The following SIPA1L2 variants were observed in gnomAD, a reference collection of about 807,000 sequenced individuals.
SIPA1L2 encodes the protein signal induced proliferation associated 1 like 2.
In SIPA1L2, 56 loss-of-function variants were observed where a neutral mutation model predicts 163.9. The ratio of observed to expected loss-of-function variants is 0.34; its 90% confidence interval spans 0.28 to 0.43. The LOEUF (loss-of-function observed/expected upper bound fraction) is 0.43. SIPA1L2 is among the 20% of genes least tolerant of loss of function. SIPA1L2 has a pLI of 1.00. For synonymous variants in SIPA1L2, 877 were observed against 865.7 expected, an observed-to-expected ratio of 1.01 and a Z score of -0.23; for missense variants, 1,974 against 2,193.5, an observed-to-expected ratio of 0.90 and a Z score of 2.00.
chr1:232,441,979 G>C (rs775082622), intron 12 of SIPA1L2, 111 bp from the exon 13 acceptor site: 10 of 828,372 alleles, frequency 1.2e-5, no homozygotes, highest in Non-Finnish European at 1.8e-5. Context: ...CCCTATCCAG[G>C]AGCTGGTTTT....
chr1:232,564,760 T>C (rs927352087), intron 2 of SIPA1L2, among the ~76,000 whole-genome samples: 3 of 152,186 alleles, frequency 2.0e-5, no homozygotes, highest in Admixed American at 6.5e-5. Flanking sequence ...CCCAGAAGTA[T>C]TAATAAATTA....
rs1397988956 is a variant in SIPA1L2, at chr1:232,530,122, C to T, written c.-269-14514G>A. Among the ~76,000 whole-genome samples the T allele has an allele frequency of 4.1e-5, 6 of 145,452 alleles. No individual in the cohort carries two copies. In the South Asian group the frequency reaches 1.3e-3, roughly 32 times the overall value. The stretch of plus-strand genomic sequence containing the variant: ...GGGGCAGGAAGCCTCACCATTTATT[C>T]TTTTTTTTTTTTAGATGGAGTCTTG... On this transcript the variant is annotated intron_variant, in intron 2 of 22. Transcript: ENST00000674635.
intron 10 of SIPA1L2, among the ~76,000 whole-genome samples, chr1:232,454,075 C>T (rs1433833809): frequency 6.6e-6 from 1 of 152,104 alleles, no homozygotes; most frequent in Non-Finnish European, 1.5e-5. Context: ...ATAAAAAAAT[C>T]AAAGGCTTCC....
At chr1:232,405,194 G>A (rs533748430) in intron 19 of SIPA1L2, among the ~76,000 whole-genome samples, 2 of 152,368 alleles carry the variant, frequency 1.3e-5, no homozygotes, top group East Asian at 1.9e-4. Context: ...AGCACCGTCA[G>A]TGCCCTGACA....
At chr1:232,425,559 T>A (rs909762757) in intron 18 of SIPA1L2, 30 bp downstream of exon 18, 4 of 1,518,470 alleles carry the variant, frequency 2.6e-6, no homozygotes, top group Non-Finnish European at 3.6e-6. Flanking sequence ...CCCTCGGCGC[T>A]GGCCAGGGAG....
chr1:232,479,573 C>T (rs1665218401), intron 7 of SIPA1L2, 54 bp downstream of exon 7: 2 of 1,406,524 alleles, frequency 1.4e-6, no homozygotes, highest in African/African-American at 1.4e-5. Context: ...CATCAGTGGG[C>T]CCACCTCAGA....
Position 232,439,110 on chromosome 1 carries a change from G to T in SIPA1L2, c.4029C>A (p.Ser1343=). The part of the protein sequence containing the change: ...MGDLSEISSH[S]SGSHHSGSPS... ...CTCTGCAGTGCTGTGGGGCTTACCT[G>T]GAATGAGAGGATATCTCACTGAGAT... The change falls in exon 15 of 23, where the codon TCC becomes TCA. Residue 1343 remains serine (S), a splice_region_variant and synonymous_variant. Transcript: ENST00000674635. 1 of 1,600,576 alleles carries T rather than the reference G, an allele frequency of 6.2e-7. No homozygotes were observed.
At chr1:232,522,335 T>C (rs1302572929) in intron 2 of SIPA1L2, among the ~76,000 whole-genome samples, 1 of 152,172 alleles carries the variant, frequency 6.6e-6, no homozygotes, top group African/African-American at 2.4e-5. Flanking sequence ...CTTCATGTTC[T>C]TATCCTTTGT....
chr1:232,607,252 T>C (rs574892574), intron 1 of SIPA1L2, among the ~76,000 whole-genome samples: 52 of 152,304 alleles, frequency 3.4e-4, no homozygotes, highest in African/African-American at 1.1e-3. Flanking sequence ...TTAATGCATA[T>C]GCATATTTAA....
intron 1 of SIPA1L2, among the ~76,000 whole-genome samples, chr1:232,622,422 T>A (rs1390652418): frequency 6.6e-6 from 1 of 152,256 alleles, no homozygotes; most frequent in Non-Finnish European, 1.5e-5. Flanking sequence ...GCTAATGGAC[T>A]GAGAGCTAAA....
At position 232,547,189 on chromosome 1, in the gene SIPA1L2, T is replaced by A. The variant is rs547173325; in HGVS notation, c.-270+26985A>T. 3.9e-5 allele frequency among the ~76,000 whole-genome samples: 6 copies of A among 152,182 alleles called. No individual in the cohort carries two copies. The South Asian group carries it at 1.2e-3, about 32-fold the overall frequency. ...ATATATCTCTCCAAATAAATAGAAT[T>A]ATAAATAAATAATACATAAAACTAA... is the stretch of plus-strand genomic sequence containing the variant. On this transcript the variant is annotated intron_variant, in intron 2 of 22. Coordinates refer to ENST00000674635, the MANE Select transcript of SIPA1L2 (RefSeq NM_020808.5).
intron 1 of SIPA1L2, among the ~76,000 whole-genome samples, chr1:232,622,135 C>T (rs1037335745): frequency 1.3e-5 from 2 of 152,206 alleles, no homozygotes; most frequent in South Asian, 4.1e-4. Context: ...ATCATGTATG[C>T]CTTGCTTACA....
At chr1:232,449,822 A>C (rs1013547226) in intron 10 of SIPA1L2, among the ~76,000 whole-genome samples, 1 of 152,202 alleles carries the variant, frequency 6.6e-6, no homozygotes, top group African/African-American at 2.4e-5. Flanking sequence ...TAAGGGTCTA[A>C]GGACCTGGGC....
At chr1:232,609,434 T>C (rs984389670) in intron 1 of SIPA1L2, among the ~76,000 whole-genome samples, 9 of 152,162 alleles carry the variant, frequency 5.9e-5, no homozygotes, top group Admixed American at 3.3e-4. Context: ...GGTGTCTCTA[T>C]TATGCATATT....
chr1:232,542,494 T>C (rs1179025561), intron 2 of SIPA1L2, among the ~76,000 whole-genome samples: 1 of 152,222 alleles, frequency 6.6e-6, no homozygotes, highest in Non-Finnish European at 1.5e-5. Flanking sequence ...ATAACCTTCA[T>C]AAACATGTAT....
chr1:232,460,827 C>T, intron 10 of SIPA1L2, 60 bp downstream of exon 10: 2 of 1,568,252 alleles, frequency 1.3e-6, no homozygotes, highest in Non-Finnish European at 1.7e-6. Flanking sequence ...GCACTGAGGA[C>T]AGCCACCTGC....
intron 2 of SIPA1L2, among the ~76,000 whole-genome samples, chr1:232,573,930 T>C (rs570862307): frequency 2.6e-5 from 4 of 152,138 alleles, no homozygotes; most frequent in Non-Finnish European, 5.9e-5. Flanking sequence ...ACAGCAACTC[T>C]TCAGTGACTC....
chr1:232,542,741 A>C (rs990419081), intron 2 of SIPA1L2, among the ~76,000 whole-genome samples: 1 of 152,232 alleles, frequency 6.6e-6, no homozygotes, highest in Non-Finnish European at 1.5e-5. Flanking sequence ...AGGCACTGGC[A>C]AGGTATTTGC....
intron 19 of SIPA1L2, among the ~76,000 whole-genome samples, chr1:232,415,205 C>A (rs1017174588): frequency 6.6e-6 from 1 of 152,200 alleles, no homozygotes; most frequent in Non-Finnish European, 1.5e-5. Flanking sequence ...CTCTACTTTT[C>A]AGATAGGAAA....
Sources: allele counts gnomAD v4.1 joint callset (sites outside exome capture counted in the v4.1 genomes callset), GRCh38; gene constraint gnomAD v4.1.1; transcripts MANE v1.5; gene names NCBI Gene and HGNC (gene_info 2026-07-23, HGNC 2026-07-21).